The following LPP variants were observed in gnomAD, a reference collection of about 807,000 sequenced individuals.
The protein encoded by LPP is lipoma-preferred partner.
In LPP, 38 loss-of-function variants were observed where a neutral mutation model predicts 60.4. That is an observed-to-expected ratio of 0.63 (90% CI 0.49 to 0.83). The LOEUF (loss-of-function observed/expected upper bound fraction) is 0.83, where lower values mean the gene tolerates loss of function less well. Ranked by LOEUF, LPP falls within the 40% of genes least tolerant of loss-of-function variation. The probability of loss-of-function intolerance (pLI) is 0.00; values close to 1 mark genes in which losing one functional copy is unlikely to be tolerated. For synonymous variants in LPP, 328 were observed against 290.8 expected, an observed-to-expected ratio of 1.13 and a Z score of -1.30; for missense variants, 902 against 783.6, an observed-to-expected ratio of 1.15 and a Z score of -1.80.
chr3:188,386,904 T>C (rs1455960468), intron 3 of LPP, among the ~76,000 whole-genome samples: 3 of 152,192 alleles, frequency 2.0e-5, no homozygotes, highest in Admixed American at 2.0e-4. Context: ...GAAGACATTA[T>C]AATGACCCCA....
At chr3:188,219,073 G>A (rs1431395177) in intron 1 of LPP, among the ~76,000 whole-genome samples, 3 of 151,662 alleles carry the variant, frequency 2.0e-5, no homozygotes, top group African/African-American at 7.3e-5. Context: ...TTTTAGGGGC[G>A]GGGTGGGGGG....
chr3:188,620,891 T>G (rs1845682736), intron 7 of LPP, among the ~76,000 whole-genome samples: 1 of 152,254 alleles, frequency 6.6e-6, no homozygotes, highest in Non-Finnish European at 1.5e-5. Flanking sequence ...GTTTCAGTTT[T>G]GTTTCTGTAT....
intron 1 of LPP, among the ~76,000 whole-genome samples, chr3:188,219,252 A>G (rs986681280): frequency 1.3e-5 from 2 of 152,198 alleles, no homozygotes; most frequent in African/African-American, 4.8e-5. Flanking sequence ...TCAAAATTCC[A>G]TAGTTAATAA....
At chr3:188,291,543 G>C (rs1745947156) in intron 2 of LPP, among the ~76,000 whole-genome samples, 1 of 151,724 alleles carries the variant, frequency 6.6e-6, no homozygotes, top group Non-Finnish European at 1.5e-5. Context: ...CTACTCGGGA[G>C]GCTGAGGCAG....
intron 4 of LPP, among the ~76,000 whole-genome samples, chr3:188,457,650 T>TGG (rs1798018542): frequency 6.6e-6 from 1 of 151,398 alleles, no homozygotes; most frequent in African/African-American, 2.4e-5. Flanking sequence ...CCAAGTACTT[T>TGG]GGGAGGCCAA....
At chr3:188,409,455 A>G (rs546434184) in intron 4 of LPP, among the ~76,000 whole-genome samples, 2 of 152,212 alleles carry the variant, frequency 1.3e-5, no homozygotes, top group Non-Finnish European at 2.9e-5. Context: ...GCTTTTCTTT[A>G]TATTTAATTT....
chr3:188,374,297 G>A (rs1349730116), intron 3 of LPP, among the ~76,000 whole-genome samples: 1 of 152,046 alleles, frequency 6.6e-6, no homozygotes, highest in South Asian at 2.1e-4. Flanking sequence ...ATTACCTTTG[G>A]CAGTATGGCC....
Position 188,890,067 on chromosome 3 carries a change from A to C in LPP, c.*15588A>C, listed in dbSNP as rs1771085898. 1 of 214,010 alleles carries C rather than the reference A, an allele frequency of 4.7e-6. No homozygotes were observed. The highest frequency in any genetic ancestry group is 2.3e-5 in the African/African-American group (1 of 44,286). 13.3% of individuals were successfully genotyped at this position (214,010 alleles called of 1,614,324 possible). A position where few individuals can be genotyped will look rare whatever the true frequency, so the allele number is the denominator to read the frequency against. On this transcript the variant is annotated 3_prime_UTR_variant, in exon 12 of 12. Coordinates refer to ENST00000617246, the MANE Select transcript of LPP (RefSeq NM_001375462.1). ...GAGTTTCAATCTGATGATTATGACC[A>C]TGGAAGATAGTCTTATGTAAAGGTT...
At chr3:188,331,105 C>T (rs1419893560) in intron 2 of LPP, among the ~76,000 whole-genome samples, 5 of 152,174 alleles carry the variant, frequency 3.3e-5, no homozygotes, top group Admixed American at 3.3e-4. Context: ...CTGTTTTCTG[C>T]CTCCTTGTCT....
intron 2 of LPP, among the ~76,000 whole-genome samples, chr3:188,336,133 G>A (rs1466137637): frequency 6.6e-6 from 1 of 152,056 alleles, no homozygotes; most frequent in Non-Finnish European, 1.5e-5. Context: ...TTTTCATAAT[G>A]GGGAGATTTA....
chr3:188,714,425 A>G (rs1469504751), intron 8 of LPP, among the ~76,000 whole-genome samples: 1 of 152,194 alleles, frequency 6.6e-6, no homozygotes, highest in Non-Finnish European at 1.5e-5. Context: ...TACATTAGGA[A>G]GACCGTCTAC....
At chr3:188,492,871 C>G (rs1384575731) in intron 5 of LPP, among the ~76,000 whole-genome samples, 2 of 152,196 alleles carry the variant, frequency 1.3e-5, no homozygotes, top group Non-Finnish European at 2.9e-5. Context: ...ATCCCACATT[C>G]TATTAAAATA....
intron 4 of LPP, among the ~76,000 whole-genome samples, chr3:188,450,085 G>A (rs1796238291): frequency 6.6e-6 from 1 of 152,144 alleles, no homozygotes; most frequent in Non-Finnish European, 1.5e-5. Context: ...TTACAGGTGT[G>A]AGCCACCACG....
intron 6 of LPP, among the ~76,000 whole-genome samples, chr3:188,577,987 C>A (rs1167450949): frequency 6.6e-6 from 1 of 151,850 alleles, no homozygotes; most frequent in Admixed American, 6.6e-5. Flanking sequence ...ACTGTGAAAC[C>A]TAGATCTTAA....
chr3:188,833,823 G>A (rs1029049416), intron 9 of LPP, among the ~76,000 whole-genome samples: 3 of 152,076 alleles, frequency 2.0e-5, no homozygotes, highest in Admixed American at 6.6e-5. Flanking sequence ...AGCAAGGACT[G>A]TTCATTCTTT....
At chr3:188,855,418 G>C (rs967738324) in intron 9 of LPP, among the ~76,000 whole-genome samples, 1 of 152,214 alleles carries the variant, frequency 6.6e-6, no homozygotes, top group Non-Finnish European at 1.5e-5. Flanking sequence ...AATTCATGAA[G>C]TGATATCATA....
chr3:188,501,419 C>T (rs1811816349), intron 5 of LPP, among the ~76,000 whole-genome samples: 1 of 152,116 alleles, frequency 6.6e-6, no homozygotes, highest in African/African-American at 2.4e-5. Flanking sequence ...TTAAGACTAG[C>T]CTGGCCAACA....
intron 2 of LPP, among the ~76,000 whole-genome samples, chr3:188,291,225 C>T (rs530234210): frequency 2.6e-5 from 4 of 152,038 alleles, no homozygotes; most frequent in Admixed American, 1.3e-4. Flanking sequence ...TGTATGTGTG[C>T]GTGTGTGTTT....
chr3:188,512,235 A>G (rs1243145227), intron 5 of LPP, among the ~76,000 whole-genome samples: 1 of 152,176 alleles, frequency 6.6e-6, no homozygotes, highest in African/African-American at 2.4e-5. Flanking sequence ...ATGGTATTTA[A>G]CATATAGAAT....
Sources: gnomAD v4.1 joint callset for allele counts (sites outside exome capture counted in the v4.1 genomes callset) on GRCh38, gnomAD v4.1.1 for gene constraint, MANE v1.5 for transcripts, NCBI Gene and HGNC (gene_info 2026-07-23, HGNC 2026-07-21) for gene names.